RASAL2: variants seen among roughly 807,000 people sequenced by gnomAD.
The protein encoded by RASAL2 is RAS protein activator like 2.
Under a neutral mutation model 128.9 loss-of-function variants are expected in RASAL2, and 58 were observed. The observed-to-expected ratio is 0.45, with a 90% CI of 0.36 to 0.56. The LOEUF is 0.56. Among genes scored for constraint, RASAL2 ranks in the 20% least tolerant of loss-of-function variants. The pLI is 0.00. For synonymous variants in RASAL2, 561 were observed against 580.8 expected (o/e 0.97, Z 0.49); for missense variants, 1,360 against 1,601.6 (o/e 0.85, Z 2.57).
At chr1:178,408,418 G>A (rs1029619555) in intron 4 of RASAL2, among the ~76,000 whole-genome samples, 3 of 151,976 alleles carry the variant, frequency 2.0e-5, no homozygotes, top group African/African-American at 2.4e-5. Context: ...TTTATATTTG[G>A]ATTTTTTTAT....
rs368634100 is a variant in RASAL2, at chr1:178,283,628, G to C, written c.267G>C (p.Thr89=). 3 of 1,613,680 alleles carry C rather than the reference G, an allele frequency of 1.9e-6. No homozygotes were observed. Among genetic ancestry groups the C allele is most frequent in the African/African-American group, 1.3e-5 (1 of 74,826 alleles). ...AGTCACCCTACACCGAGACAACAAC[G>C]TGGGAGCGGAAGTATTGCATCCTCA... ...CGQSPYTETT[T]WERKYCILTD... is the part of the protein sequence containing the mutation. Residue 89 remains threonine, a synonymous_variant, in exon 2 of 18, where the codon ACG becomes ACC. Coordinates refer to ENST00000367649, the MANE Select transcript of RASAL2 (RefSeq NM_170692.4).
intron 5 of RASAL2, among the ~76,000 whole-genome samples, chr1:178,427,002 A>G (rs1041874707): frequency 6.6e-6 from 1 of 152,150 alleles, no homozygotes; most frequent in African/African-American, 2.4e-5. Flanking sequence ...CAAGGCGGAT[A>G]GTAGCAGTGG....
intron 3 of RASAL2, among the ~76,000 whole-genome samples, chr1:178,375,577 C>T (rs114522398): frequency 0.023 from 3,568 of 152,140 alleles, 62 homozygotes; most frequent in Middle Eastern, 0.058. Context: ...TGAATGCCTC[C>T]ACAAGGAGGG....
At chr1:178,149,094 TAA>T (rs1382816425) in intron 1 of RASAL2, among the ~76,000 whole-genome samples, 1 of 152,126 alleles carries the variant, frequency 6.6e-6, no homozygotes, top group Non-Finnish European at 1.5e-5. Flanking sequence ...TAAACCCATG[TAA>T]AAATACCCTT....
chr1:178,369,824 A>G (rs1671604429), intron 3 of RASAL2, among the ~76,000 whole-genome samples: 1 of 151,678 alleles, frequency 6.6e-6, no homozygotes, highest in Non-Finnish European at 1.5e-5. Context: ...TTAAAAACTT[A>G]GTAGAACAGA....
chr1:178,409,427 A>G (rs1674215480), intron 4 of RASAL2, among the ~76,000 whole-genome samples: 1 of 152,190 alleles, frequency 6.6e-6, no homozygotes, highest in African/African-American at 2.4e-5. Context: ...ATGTCAAAAA[A>G]GACACCCTAG....
intron 1 of RASAL2, among the ~76,000 whole-genome samples, chr1:178,120,432 C>T (rs1045888762): frequency 2.6e-5 from 4 of 152,074 alleles, no homozygotes; most frequent in Admixed American, 6.6e-5. Context: ...GACAAGTGCA[C>T]AGTACAGGAA....
At chr1:178,448,237 A>G (rs1447549700) in intron 9 of RASAL2, among the ~76,000 whole-genome samples, 1 of 152,222 alleles carries the variant, frequency 6.6e-6, no homozygotes, top group Admixed American at 6.5e-5. Context: ...TGAGTCCTAG[A>G]TACCAATAGA....
At chr1:178,419,358 C>T (rs905939290) in intron 4 of RASAL2, among the ~76,000 whole-genome samples, 1 of 152,068 alleles carries the variant, frequency 6.6e-6, no homozygotes, top group South Asian at 2.1e-4. Flanking sequence ...ACTGCAGCCT[C>T]GAACTCCTGA....
At chr1:178,226,084 A>G (rs1375248217) in intron 1 of RASAL2, among the ~76,000 whole-genome samples, 1 of 152,220 alleles carries the variant, frequency 6.6e-6, no homozygotes, top group Non-Finnish European at 1.5e-5. Context: ...TTTAAGATCT[A>G]TCTACAGCTT....
chr1:178,301,061 C>T (rs1667741198), intron 3 of RASAL2, among the ~76,000 whole-genome samples: 1 of 152,102 alleles, frequency 6.6e-6, no homozygotes, highest in Non-Finnish European at 1.5e-5. Context: ...TTCTTCATTT[C>T]TAAGTGGAAC....
At chr1:178,422,709 C>T (rs554179056) in intron 5 of RASAL2, among the ~76,000 whole-genome samples, 38 of 152,212 alleles carry the variant, frequency 2.5e-4, no homozygotes, top group Admixed American at 2.4e-3. Context: ...TCAGATACAT[C>T]AACTGCTGAA....
intron 1 of RASAL2, among the ~76,000 whole-genome samples, chr1:178,172,168 G>A (rs1405394056): frequency 6.6e-6 from 1 of 151,992 alleles, no homozygotes; most frequent in Non-Finnish European, 1.5e-5. Flanking sequence ...GAATTTGCAA[G>A]TCCTTCATAC....
At chr1:178,206,199 C>T (rs939787613) in intron 1 of RASAL2, among the ~76,000 whole-genome samples, 6 of 152,154 alleles carry the variant, frequency 3.9e-5, no homozygotes, top group Admixed American at 6.5e-5. Flanking sequence ...GTGAAGAAAG[C>T]GAGACAGGAA....
chr1:178,228,937 G>A (rs955361632), intron 1 of RASAL2, among the ~76,000 whole-genome samples: 2 of 151,456 alleles, frequency 1.3e-5, no homozygotes, highest in African/African-American at 2.4e-5. Context: ...AGACTCAAAG[G>A]AAGAGGTTGT....
intron 1 of RASAL2, among the ~76,000 whole-genome samples, chr1:178,235,541 A>G (rs970015351): frequency 6.6e-6 from 1 of 152,164 alleles, no homozygotes; most frequent in East Asian, 1.9e-4. Flanking sequence ...GTGTCCTACC[A>G]GTAACATAAC....
chr1:178,281,690 TG>T (rs1666790972), intron 1 of RASAL2, among the ~76,000 whole-genome samples: 1 of 152,170 alleles, frequency 6.6e-6, no homozygotes, highest in African/African-American at 2.4e-5. Flanking sequence ...TGTCTAATTT[TG>T]TCAAAGTTTC....
intron 1 of RASAL2, among the ~76,000 whole-genome samples, chr1:178,138,022 T>C (rs1558074801): frequency 6.6e-6 from 1 of 152,222 alleles, no homozygotes; most frequent in East Asian, 1.9e-4. Context: ...CTCACTTCTT[T>C]CCTGCTCAGT....
At chr1:178,454,163 G>A (rs369426755) in intron 11 of RASAL2, among the ~76,000 whole-genome samples, 13 of 148,740 alleles carry the variant, frequency 8.7e-5, no homozygotes, top group African/African-American at 3.2e-4. Flanking sequence ...GGTAAGTGAG[G>A]GCTATATTGC....
Sources: gnomAD v4.1 joint callset for allele counts (sites outside exome capture counted in the v4.1 genomes callset) on GRCh38, gnomAD v4.1.1 for gene constraint, MANE v1.5 for transcripts, NCBI Gene and HGNC (gene_info 2026-07-23, HGNC 2026-07-21) for gene names.